TOP6BL: variants seen among roughly 807,000 people sequenced by gnomAD.
The protein encoded by TOP6BL is type 2 DNA topoisomerase 6 subunit B-like.
chr11:66,753,996 C>A, the TOP6BL span, among the ~76,000 whole-genome samples: 1 of 152,232 alleles, frequency 6.6e-6, no homozygotes, highest in Non-Finnish European at 1.5e-5. Context: ...TGAGCCACCA[C>A]GCCTGGCCAA....
the TOP6BL span, among the ~76,000 whole-genome samples, chr11:66,823,438 T>G: frequency 1.3e-5 from 2 of 152,224 alleles, no homozygotes; most frequent in Non-Finnish European, 2.9e-5. Context: ...AAGAAATATT[T>G]GTTGGAATAG....
the TOP6BL span, among the ~76,000 whole-genome samples, chr11:66,805,692 C>T: frequency 2.6e-5 from 4 of 152,152 alleles, no homozygotes; most frequent in Admixed American, 6.5e-5. Context: ...TGGACTCAAG[C>T]GATCCACCAG....
At chr11:66,825,629 C>T in the TOP6BL span, among the ~76,000 whole-genome samples, 1 of 152,146 alleles carries the variant, frequency 6.6e-6, no homozygotes, top group Non-Finnish European at 1.5e-5. Flanking sequence ...TTTCAGATTC[C>T]CTGCCTCCAG....
At chr11:66,755,087 T>G in the TOP6BL span, among the ~76,000 whole-genome samples, 1 of 152,054 alleles carries the variant, frequency 6.6e-6, no homozygotes, top group Admixed American at 6.6e-5. Context: ...TCCTAAATCC[T>G]TTCCTACTAG....
the TOP6BL span, chr11:66,843,113 G>A: frequency 6.2e-7 from 1 of 1,600,112 alleles, no homozygotes; most frequent in East Asian, 2.3e-5. Flanking sequence ...AGCAGGAGGT[G>A]CAGGCCACGG....
the TOP6BL span, among the ~76,000 whole-genome samples, chr11:66,766,744 T>C: frequency 3.3e-5 from 5 of 152,236 alleles, no homozygotes; most frequent in African/African-American, 1.2e-4. Context: ...ATGAGACTTA[T>C]TTTTCCCCCT....
At chr11:66,768,602 C>T in the TOP6BL span, among the ~76,000 whole-genome samples, 1 of 151,690 alleles carries the variant, frequency 6.6e-6, no homozygotes, top group Non-Finnish European at 1.5e-5. Flanking sequence ...ATTTACCTAA[C>T]GCTTGGTAAG....
At chr11:66,828,534 C>T in the TOP6BL span, 1 of 576,476 alleles carries the variant, frequency 1.7e-6, no homozygotes, top group Non-Finnish European at 3.1e-6. Context: ...TCAGGAATGA[C>T]TATCCCACTG....
chr11:66,744,849 G>C, the TOP6BL span: 1 of 1,308,228 alleles, frequency 7.6e-7, no homozygotes, highest in African/African-American at 1.6e-5. Flanking sequence ...GCGGCGGGCG[G>C]GTACCCTTCG....
At chr11:66,839,453 C>T in the TOP6BL span, among the ~76,000 whole-genome samples, 3 of 152,204 alleles carry the variant, frequency 2.0e-5, no homozygotes, top group Non-Finnish European at 4.4e-5. Flanking sequence ...ATCCTGAGTC[C>T]TTCAGATAAA....
chr11:66,843,453 G>T, the TOP6BL span: 1 of 1,404,518 alleles, frequency 7.1e-7, no homozygotes, highest in Non-Finnish European at 9.1e-7. Context: ...GGGTCAGGGC[G>T]CAATGGCGGC....
At chr11:66,832,574 A>C in the TOP6BL span, among the ~76,000 whole-genome samples, 10 of 152,250 alleles carry the variant, frequency 6.6e-5, no homozygotes, top group Non-Finnish European at 1.3e-4. Flanking sequence ...AGAGAGGCAC[A>C]GAGCAGCAGT....
the TOP6BL span, among the ~76,000 whole-genome samples, chr11:66,777,864 T>C: frequency 1.3e-5 from 2 of 152,076 alleles, no homozygotes; most frequent in African/African-American, 4.8e-5. Context: ...AAAGCAAGAC[T>C]CCATCCCCCC....
the TOP6BL span, among the ~76,000 whole-genome samples, chr11:66,777,950 A>G: frequency 6.6e-6 from 1 of 152,218 alleles, no homozygotes; most frequent in Non-Finnish European, 1.5e-5. Context: ...AGCATTGGGA[A>G]TTTCAATTAC....
the TOP6BL span, among the ~76,000 whole-genome samples, chr11:66,831,358 T>A: frequency 6.6e-6 from 1 of 152,040 alleles, no homozygotes; most frequent in African/African-American, 2.4e-5. Context: ...CAACCCAGTA[T>A]CAACAGGTAA....
chr11:66,790,089 G>A, the TOP6BL span, among the ~76,000 whole-genome samples: 2 of 152,138 alleles, frequency 1.3e-5, no homozygotes, highest in East Asian at 1.9e-4. Flanking sequence ...TGGCTAACAC[G>A]GTGAAATCCC....
At chr11:66,822,697 G>A in the TOP6BL span, 6 of 1,494,624 alleles carry the variant, frequency 4.0e-6, no homozygotes, top group South Asian at 4.8e-5. Context: ...TTGGGATTGG[G>A]GATGCTTAAA....
chr11:66,757,198 T>G, the TOP6BL span, among the ~76,000 whole-genome samples: 1 of 151,676 alleles, frequency 6.6e-6, no homozygotes. Flanking sequence ...CAAAAATTAG[T>G]CGGGCGCGGT....
the TOP6BL span, chr11:66,795,957 T>G: frequency 1.8e-5 from 4 of 218,438 alleles, no homozygotes; most frequent in East Asian, 3.8e-4. Flanking sequence ...CAAAGCACAT[T>G]AGGATGGTGG....
Sources: gnomAD v4.1 joint callset for allele counts (sites outside exome capture counted in the v4.1 genomes callset) on GRCh38, gnomAD v4.1.1 for gene constraint, MANE v1.5 for transcripts, NCBI Gene and HGNC (gene_info 2026-07-23, HGNC 2026-07-21) for gene names.